C22orf31: variants seen among roughly 807,000 people sequenced by gnomAD.
C22orf31 encodes uncharacterized protein C22orf31.
In C22orf31, 11 loss-of-function variants were observed where a neutral mutation model predicts 15.0. That is an observed-to-expected ratio of 0.73 (90% confidence interval 0.46 to 1.21). The LOEUF is 1.21. C22orf31 is among the 50% of genes most tolerant of loss of function. The probability of loss-of-function intolerance (pLI) is 0.00; values close to 1 mark genes in which losing one functional copy is unlikely to be tolerated. For synonymous variants in C22orf31, 132 were observed against 133.3 expected (o/e 0.99, Z 0.07); for missense variants, 340 against 347.2 (o/e 0.98, Z 0.17).
upstream of C22orf31, among the ~76,000 whole-genome samples, chr22:29,062,705 C>G (rs562819346): frequency 2.0e-5 from 3 of 152,058 alleles, no homozygotes; most frequent in East Asian, 5.8e-4. Flanking sequence ...AAGTGTTGTC[C>G]CTGGAGTGAA....
At chr22:29,059,660 C>T in intron 2 of C22orf31, 1 of 984,072 alleles carries the variant, frequency 1.0e-6, no homozygotes, top group Non-Finnish European at 1.2e-6. Flanking sequence ...TGATGGCCTG[C>T]TGGCCACCAC....
At chr22:29,061,910 A>T, upstream of C22orf31, 1 of 846,448 alleles carries the variant, frequency 1.2e-6, no homozygotes, top group East Asian at 2.7e-5. Flanking sequence ...ATTTCTAGTC[A>T]CCTGTCTTTC....
chr22:29,060,319 C>A (rs544129123), intron 2 of C22orf31, 96 bp downstream of exon 2: 2 of 1,164,944 alleles, frequency 1.7e-6, no homozygotes, highest in Admixed American at 2.2e-5. Flanking sequence ...AGGCGGTAGC[C>A]GCACGCCATA....
At chr22:29,068,756 G>A in the C22orf31 span, among the ~76,000 whole-genome samples, 2 of 116,702 alleles carry the variant, frequency 1.7e-5, no homozygotes, top group African/African-American at 3.5e-5. Flanking sequence ...GCTCAACCTG[G>A]TACTTTTTTT....
At chr22:29,063,848 C>G (rs890170697), upstream of C22orf31, among the ~76,000 whole-genome samples, 3 of 152,130 alleles carry the variant, frequency 2.0e-5, no homozygotes, top group African/African-American at 7.2e-5. Context: ...TGAACCCAAC[C>G]AAAGTCTATA....
chr22:29,059,864 A>G (rs2037364765), intron 2 of C22orf31: 1 of 984,972 alleles, frequency 1.0e-6, no homozygotes, highest in South Asian at 4.7e-5. Flanking sequence ...TATGAAAGCC[A>G]CCTCATCCTT....
At chr22:29,059,728 G>A (rs76172851) in intron 2 of C22orf31, 29 of 985,186 alleles carry the variant, frequency 2.9e-5, no homozygotes, top group Admixed American at 6.2e-5. Context: ...CCATGTGGAC[G>A]CTCACAATCC....
upstream of C22orf31, among the ~76,000 whole-genome samples, chr22:29,066,100 T>C (rs930047553): frequency 6.6e-6 from 1 of 152,206 alleles, no homozygotes; most frequent in Non-Finnish European, 1.5e-5. Context: ...TCTTTTTAGC[T>C]TCTCTTAGCT....
chr22:29,069,673 G>A, the C22orf31 span, among the ~76,000 whole-genome samples: 1 of 152,134 alleles, frequency 6.6e-6, no homozygotes, highest in Non-Finnish European at 1.5e-5. Flanking sequence ...TAGACGTGCT[G>A]GGCTGTATTT....
At chr22:29,061,372 T>G (rs976886568) in intron 1 of C22orf31, among the ~76,000 whole-genome samples, 1 of 152,138 alleles carries the variant, frequency 6.6e-6, no homozygotes, top group African/African-American at 2.4e-5. Flanking sequence ...GCTCAAGGGA[T>G]TCTTCTGCCT....
upstream of C22orf31, among the ~76,000 whole-genome samples, chr22:29,062,818 A>G (rs545056282): frequency 1.3e-5 from 2 of 152,196 alleles, no homozygotes; most frequent in East Asian, 3.9e-4. Flanking sequence ...GCTCCCTTTC[A>G]GTGGCGAGCC....
chr22:29,069,237 C>A, the C22orf31 span, among the ~76,000 whole-genome samples: 1 of 152,110 alleles, frequency 6.6e-6, no homozygotes, highest in African/African-American at 2.4e-5. Flanking sequence ...TGAAATGCAA[C>A]CGTAGACACC....
chr22:29,060,532 T>C lies in C22orf31; in HGVS notation c.315A>G (p.Leu105=). 6.2e-7 allele frequency: 1 copy of C among 1,614,176 alleles called. No individual in the cohort carries two copies. Among genetic ancestry groups the C allele is most frequent in the Non-Finnish European group, 8.5e-7 (1 of 1,180,028 alleles). The change falls in exon 2 of 3, where the codon TTA becomes TTG. Residue 105 remains leucine (L), a synonymous_variant. Transcript: ENST00000216071. ...TCATCACTGAATCGTCCTTGTGCTT[T>C]AATCTCTTCGAGAGTTTTCCTTCTC... ...KFGEGKLSKR[L]KHKDDSVMKA... is the part of the protein sequence containing the mutation.
At chr22:29,069,197 C>T in the C22orf31 span, among the ~76,000 whole-genome samples, 1 of 152,102 alleles carries the variant, frequency 6.6e-6, no homozygotes, top group South Asian at 2.1e-4. Flanking sequence ...GTAAGAATGC[C>T]TCCCTCATAA....
the C22orf31 span, among the ~76,000 whole-genome samples, chr22:29,072,646 T>C: frequency 6.6e-6 from 1 of 152,160 alleles, no homozygotes; most frequent in Admixed American, 6.5e-5. Context: ...CTGTTGTAAT[T>C]ATTACCGCTG....
At chr22:29,067,733 C>T in the C22orf31 span, among the ~76,000 whole-genome samples, 44 of 152,260 alleles carry the variant, frequency 2.9e-4, no homozygotes, top group African/African-American at 9.9e-4. Flanking sequence ...CATGAGCCAC[C>T]GTGCCCAGGC....
chr22:29,062,736 G>A (rs931842934), upstream of C22orf31, among the ~76,000 whole-genome samples: 2 of 152,074 alleles, frequency 1.3e-5, no homozygotes, highest in East Asian at 1.9e-4. Flanking sequence ...CAGGCGGACC[G>A]CACCACAGGC....
intron 1 of C22orf31, 39 bp downstream of exon 1, chr22:29,061,751 T>A: frequency 6.8e-7 from 1 of 1,464,128 alleles, no homozygotes; most frequent in Non-Finnish European, 9.4e-7. Flanking sequence ...AGATCTGGCT[T>A]TCTAAGAAAT....
rs111812934 is a variant in C22orf31 at position 29,059,760 on chromosome 22, TTG to T, written c.433-580_433-579del. On this transcript the variant is annotated intron_variant, in intron 2 of 2. Coordinates refer to ENST00000216071, the MANE Select transcript of C22orf31 (RefSeq NM_015370.2). ...ATCCAGATCCATAGCTGACCACTGG[TTG>T]TGTGTGTGTGTGTGTGTGTGCACAA... The T allele has an allele frequency of 8.7e-3, 6,871 of 789,580 alleles. 10 individuals are homozygous for T. The highest frequency in any genetic ancestry group is 0.024 in the African/African-American group (1,244 of 52,656). 48.9% of individuals were successfully genotyped at this position (789,580 alleles called of 1,614,324 possible).
Sources: allele counts gnomAD v4.1 joint callset (sites outside exome capture counted in the v4.1 genomes callset), GRCh38; gene constraint gnomAD v4.1.1; transcripts MANE v1.5; gene names NCBI Gene and HGNC (gene_info 2026-07-23, HGNC 2026-07-21).